ACYP2: variants seen among roughly 807,000 people sequenced by gnomAD.
The protein encoded by ACYP2 is acylphosphatase-2.
A neutral mutation model predicts 11.2 loss-of-function variants in ACYP2; 12 were observed. That is an observed-to-expected ratio of 1.08 (90% CI 0.69 to 1.74). The LOEUF (loss-of-function observed/expected upper bound fraction) is 1.74. Ranked by LOEUF, ACYP2 falls within the 40% of genes most tolerant of loss-of-function variation. The pLI is 0.00. For missense variants in ACYP2, 134 were observed against 101.9 expected (o/e 1.31, Z -1.35); for synonymous variants, 43 against 32.2 (o/e 1.33, Z -1.13).
intron 6 of ACYP2, chr2:54,142,517 G>C (rs368964044): frequency 1.3e-5 from 2 of 152,144 alleles, no homozygotes; most frequent in South Asian, 4.1e-4. Context: ...GAGGTCAGGA[G>C]TTCAAGACCA....
At chr2:54,099,652 ATTT>A (rs547363111) in intron 4 of ACYP2, among the ~76,000 whole-genome samples, 5 of 150,294 alleles carry the variant, frequency 3.3e-5, no homozygotes, top group African/African-American at 1.2e-4. Flanking sequence ...TTATAAAGCA[ATTT>A]TTTTTTTATC....
chr2:54,129,831 A>G (rs1235457220), intron 4 of ACYP2, among the ~76,000 whole-genome samples: 1 of 148,638 alleles, frequency 6.7e-6, no homozygotes, highest in African/African-American at 2.4e-5. Context: ...ATGTATATTC[A>G]CAATATACAT....
At chr2:54,029,435 A>G (rs1674467481) in intron 2 of ACYP2, 1 of 242,982 alleles carries the variant, frequency 4.1e-6, no homozygotes. Context: ...ATATACACAC[A>G]TATGTATATA....
chr2:54,083,562 G>T (rs1198401961), intron 4 of ACYP2, among the ~76,000 whole-genome samples: 3 of 151,464 alleles, frequency 2.0e-5, no homozygotes, highest in Non-Finnish European at 4.4e-5. Context: ...CAAACAGGGT[G>T]ATGGGAAAGG....
intron 2 of ACYP2, among the ~76,000 whole-genome samples, chr2:54,018,725 A>C (rs1192213193): frequency 6.6e-6 from 1 of 152,110 alleles, no homozygotes; most frequent in African/African-American, 2.4e-5. Context: ...GCATTTGCAA[A>C]ATCAATCGCT....
chr2:53,986,410 C>T (rs1573450521), intron 2 of ACYP2, among the ~76,000 whole-genome samples: 2 of 151,658 alleles, frequency 1.3e-5, no homozygotes, highest in Middle Eastern at 6.8e-3. Context: ...GATCTCAGCT[C>T]ACTGCAACTT....
At chr2:54,081,114 A>G (rs2103665063) in intron 4 of ACYP2, among the ~76,000 whole-genome samples, 1 of 152,320 alleles carries the variant, frequency 6.6e-6, no homozygotes, top group East Asian at 1.9e-4. Flanking sequence ...AGTGGCAGAC[A>G]ATGAATTCTG....
intron 2 of ACYP2, among the ~76,000 whole-genome samples, chr2:53,977,269 T>C: frequency 6.6e-6 from 1 of 152,004 alleles, no homozygotes; most frequent in East Asian, 1.9e-4. Context: ...ATGGTCTCCA[T>C]CTCCTGACCT....
At chr2:54,223,053 G>T (rs1337659664) in intron 6 of ACYP2, 1 of 152,156 alleles carries the variant, frequency 6.6e-6, no homozygotes, top group Admixed American at 6.5e-5. Context: ...CAACTTTGGA[G>T]TCATGCCTCT....
At chr2:54,079,148 T>C (rs1677509210) in intron 4 of ACYP2, among the ~76,000 whole-genome samples, 1 of 152,224 alleles carries the variant, frequency 6.6e-6, no homozygotes, top group Non-Finnish European at 1.5e-5. Flanking sequence ...TTTATCTTTG[T>C]CTCCTAGATG....
Position 54,304,803 on chromosome 2 carries a change from T to C in ACYP2, c.*1T>C, listed in dbSNP as rs1388595903. 9.8e-6 allele frequency: 15 copies of C among 1,524,192 alleles called. No individual in the cohort carries two copies. Among genetic ancestry groups the C allele is most frequent in the Non-Finnish European group, 1.2e-5 (13 of 1,102,490 alleles). The allele number at this position is 1,524,192 out of a possible 1,614,324, so 94.4% of individuals were successfully genotyped here. On this transcript the variant is annotated 3_prime_UTR_variant, in exon 7 of 7. Coordinates refer to ENST00000607452, the MANE Select transcript of ACYP2 (RefSeq NM_001320586.2). ...CTCTAATTTTAGTATTAGATACTAA[T>C]AGAAGAGAAAAATTGTAACACACTG...
At chr2:54,010,927 C>A (rs574720748) in intron 2 of ACYP2, among the ~76,000 whole-genome samples, 56 of 151,858 alleles carry the variant, frequency 3.7e-4, no homozygotes, top group Non-Finnish European at 7.4e-4. Flanking sequence ...CCTTGGCTTC[C>A]CAAAGTGCTA....
At chr2:54,233,888 T>A (rs1686354433) in intron 6 of ACYP2, among the ~76,000 whole-genome samples, 1 of 152,028 alleles carries the variant, frequency 6.6e-6, no homozygotes, top group Admixed American at 6.6e-5. Flanking sequence ...CTCTGTCAAG[T>A]TTAAGACACT....
chr2:54,001,985 T>C (rs1359429269), intron 2 of ACYP2, among the ~76,000 whole-genome samples: 3 of 152,216 alleles, frequency 2.0e-5, no homozygotes, highest in African/African-American at 7.2e-5. Context: ...TTTGTTACTA[T>C]TAATGAACCT....
chr2:54,036,416 A>G (rs1212429144), intron 2 of ACYP2, among the ~76,000 whole-genome samples: 1 of 152,210 alleles, frequency 6.6e-6, no homozygotes, highest in African/African-American at 2.4e-5. Context: ...TGCCATGTAA[A>G]GTAACACTCA....
intron 4 of ACYP2, among the ~76,000 whole-genome samples, chr2:54,134,240 C>G (rs984000693): frequency 1.3e-4 from 20 of 152,060 alleles, no homozygotes; most frequent in African/African-American, 4.6e-4. Context: ...GGGCAGTGAG[C>G]TACGATTGCA....
intron 6 of ACYP2, among the ~76,000 whole-genome samples, chr2:54,289,889 A>C (rs540766221): frequency 1.3e-5 from 2 of 152,006 alleles, no homozygotes; most frequent in Non-Finnish European, 2.9e-5. Flanking sequence ...CCCCATCTTC[A>C]GGGTTAACCA....
intron 6 of ACYP2, among the ~76,000 whole-genome samples, chr2:54,163,556 C>A (rs1682820473): frequency 6.6e-6 from 1 of 152,150 alleles, no homozygotes; most frequent in Non-Finnish European, 1.5e-5. Flanking sequence ...AGAAGTGGTT[C>A]ATAAATGTTT....
At chr2:54,220,856 CT>C in intron 6 of ACYP2, among the ~76,000 whole-genome samples, 1 of 152,148 alleles carries the variant, frequency 6.6e-6, no homozygotes, top group East Asian at 1.9e-4. Context: ...ATGAATTTGA[CT>C]CTATGTAAAA....
Sources: allele counts gnomAD v4.1 joint callset (sites outside exome capture counted in the v4.1 genomes callset), GRCh38; gene constraint gnomAD v4.1.1; transcripts MANE v1.5; gene names NCBI Gene and HGNC (gene_info 2026-07-23, HGNC 2026-07-21).